The following GFRA2 variants were observed in gnomAD, a reference collection of about 807,000 sequenced individuals.
The protein encoded by GFRA2 is GDNF family receptor alpha 2.
Under a neutral mutation model 48.3 loss-of-function variants are expected in GFRA2, and 17 were observed. That is an observed-to-expected ratio of 0.35 (90% CI 0.24 to 0.53). The LOEUF is 0.53. GFRA2 is among the 20% of genes least tolerant of loss of function. The pLI is 0.93. For synonymous variants in GFRA2, 305 were observed against 257.2 expected, an observed-to-expected ratio of 1.19 and a Z score of -1.78; for missense variants, 660 against 637.3, an observed-to-expected ratio of 1.04 and a Z score of -0.38.
chr8:21,742,498 T>G (rs758314938), intron 4 of GFRA2, among the ~76,000 whole-genome samples: 1 of 152,192 alleles, frequency 6.6e-6, no homozygotes, highest in Admixed American at 6.5e-5. Flanking sequence ...AAATGTTTGC[T>G]GTTGAAGCAA....
rs547690117 is a variant in GFRA2 at position 21,809,895 on chromosome 8, C to A, written c.-148+2336G>T. On this transcript the variant is annotated intron_variant, in intron 1 of 10. Transcript: ENST00000517328. ...GGGGAACAGCAAATGCAACATCACCCACACCCTCACCCAACAACACAAATT... is the reference window on the plus strand; with the variant it reads ...GGGGAACAGCAAATGCAACATCACCAACACCCTCACCCAACAACACAAATT... 5.3e-5 allele frequency among the ~76,000 whole-genome samples: 8 copies of A among 152,288 alleles called. No individual in the cohort carries two copies. In the South Asian group the frequency reaches 1.7e-3, roughly 32 times the overall value.
chr8:21,802,340 T>A (rs1407956907), intron 2 of GFRA2, among the ~76,000 whole-genome samples: 1 of 152,176 alleles, frequency 6.6e-6, no homozygotes, highest in Non-Finnish European at 1.5e-5. Flanking sequence ...CATAGACACA[T>A]TGCCTCTGTC....
chr8:21,774,297 G>T (rs1007376815), intron 3 of GFRA2, among the ~76,000 whole-genome samples: 1 of 152,138 alleles, frequency 6.6e-6, no homozygotes, highest in Non-Finnish European at 1.5e-5. Flanking sequence ...GTGCCTACAT[G>T]TGGAGCCTGG....
At chr8:21,766,570 T>C (rs1312696225) in intron 3 of GFRA2, among the ~76,000 whole-genome samples, 4 of 151,462 alleles carry the variant, frequency 2.6e-5, no homozygotes, top group East Asian at 2.0e-4. Context: ...CCAAGTGCAG[T>C]CCACACATTC....
chr8:21,792,835 C>A (rs1016633912), upstream of GFRA2, among the ~76,000 whole-genome samples: 1 of 152,204 alleles, frequency 6.6e-6, no homozygotes, highest in African/African-American at 2.4e-5. Flanking sequence ...GAGGCAGAGG[C>A]GGGCAGATCA....
At chr8:21,809,379 C>T (rs533247706) in intron 1 of GFRA2, among the ~76,000 whole-genome samples, 5 of 152,182 alleles carry the variant, frequency 3.3e-5, no homozygotes, top group Non-Finnish European at 7.4e-5. Context: ...GGCTGGAGTG[C>T]AGTGGCGCGA....
At chr8:21,763,301 A>G (rs188687993) in intron 3 of GFRA2, among the ~76,000 whole-genome samples, 1,545 of 152,298 alleles carry the variant, frequency 0.01, 14 homozygotes, top group South Asian at 0.025. Flanking sequence ...TGGGCAGCTC[A>G]TGGATGGCTG....
At chr8:21,787,329 C>T (rs1339591272) in intron 1 of GFRA2, among the ~76,000 whole-genome samples, 2 of 152,132 alleles carry the variant, frequency 1.3e-5, no homozygotes, top group East Asian at 3.9e-4. Flanking sequence ...TTTTTCCTCC[C>T]TCGCCTCCCA....
chr8:21,692,069 G>A lies in GFRA2; in HGVS notation c.*1209C>T, dbSNP rs1379255855. The A allele has an allele frequency of 6.5e-6, 1 of 152,682 alleles. No individual in the cohort carries two copies. The highest frequency in any genetic ancestry group is 2.4e-5 in the African/African-American group (1 of 41,476). The allele number at this position is 152,682 out of a possible 1,614,324, so 9.5% of individuals were successfully genotyped here. ...CTTGGTTAAGCTTGGATGCGGATCA[G>A]GAGCCCCCACCAGAGCCCAGCCAGG... On this transcript the variant is annotated 3_prime_UTR_variant, in exon 9 of 9. Transcript: ENST00000524240.
At chr8:21,787,883 G>C (rs1184862156) in intron 1 of GFRA2, among the ~76,000 whole-genome samples, 14 of 152,142 alleles carry the variant, frequency 9.2e-5, no homozygotes, top group Non-Finnish European at 2.1e-4. Flanking sequence ...CTGCGGGGCT[G>C]GTTCGGATGT....
At chr8:21,748,628 A>G (rs1231260081) in intron 4 of GFRA2, among the ~76,000 whole-genome samples, 3 of 152,188 alleles carry the variant, frequency 2.0e-5, no homozygotes, top group African/African-American at 7.2e-5. Flanking sequence ...TGGTTGTGTG[A>G]CCTTCAGCAA....
intron 4 of GFRA2, among the ~76,000 whole-genome samples, chr8:21,723,880 G>C (rs971023762): frequency 6.6e-6 from 1 of 152,152 alleles, no homozygotes; most frequent in African/African-American, 2.4e-5. Flanking sequence ...AGGCAATCTT[G>C]GTGTGTCAAC....
At chr8:21,755,649 G>A (rs1208712113) in intron 3 of GFRA2, among the ~76,000 whole-genome samples, 2 of 149,784 alleles carry the variant, frequency 1.3e-5, no homozygotes, top group Non-Finnish European at 1.5e-5. Flanking sequence ...GGGGCCGGGG[G>A]AGGGGTCCTG....
rs371521393 is a variant in GFRA2, at chr8:21,788,818, C to CCT, written c.-661_-660dup. On this transcript the variant is annotated 5_prime_UTR_variant, in exon 1 of 9. Transcript: ENST00000524240. Reference sequence around the variant, plus strand: ...TCTGCGTGCGTGTGTCTTTCTCTCTCCTCTCTCTCTCTCTCCTCTCCCTCG... The same window carrying CCT: ...TCTGCGTGCGTGTGTCTTTCTCTCTCCTCTCTCTCTCTCTCTCCTCTCCCTCG... The CCT allele has an allele frequency of 2.6e-4, 256 of 976,248 alleles. No individual in the cohort carries two copies. The highest frequency in any genetic ancestry group is 1.7e-3 in the African/African-American group (99 of 57,022). The allele number at this position is 976,248 out of a possible 1,614,324, so 60.5% of individuals were successfully genotyped here.
chr8:21,712,566 G>A (rs1407653920), intron 4 of GFRA2, among the ~76,000 whole-genome samples: 5 of 151,680 alleles, frequency 3.3e-5, no homozygotes, highest in Non-Finnish European at 7.4e-5. Flanking sequence ...CAGACGATGG[G>A]CGGCCAGGCA....
At chr8:21,719,224 G>A (rs919295013) in intron 4 of GFRA2, among the ~76,000 whole-genome samples, 8 of 152,128 alleles carry the variant, frequency 5.3e-5, no homozygotes, top group Admixed American at 2.0e-4. Flanking sequence ...CTCTGGAACA[G>A]GGTCAGGAGG....
chr8:21,712,955 C>T (rs1358036767), intron 4 of GFRA2, among the ~76,000 whole-genome samples: 1 of 150,660 alleles, frequency 6.6e-6, no homozygotes, highest in Non-Finnish European at 1.5e-5. Flanking sequence ...GAGATGGCAG[C>T]AGTACAGTCC....
intron 3 of GFRA2, among the ~76,000 whole-genome samples, chr8:21,764,297 T>C (rs1254246444): frequency 2.6e-5 from 4 of 152,134 alleles, no homozygotes; most frequent in Admixed American, 6.5e-5. Flanking sequence ...CCTCACTTGT[T>C]AGAAGGGGCA....
chr8:21,753,097 G>GC (rs1467556143), intron 3 of GFRA2, among the ~76,000 whole-genome samples: 1 of 152,076 alleles, frequency 6.6e-6, no homozygotes, highest in African/African-American at 2.4e-5. Flanking sequence ...AGGCTCCAAA[G>GC]CCCCCCTTGG....
Sources: allele counts gnomAD v4.1 joint callset (sites outside exome capture counted in the v4.1 genomes callset), GRCh38; gene constraint gnomAD v4.1.1; transcripts MANE v1.5; gene names NCBI Gene and HGNC (gene_info 2026-07-23, HGNC 2026-07-21).